Variants in HP1BP3 observed in about 807,000 individuals in gnomAD.
HP1BP3 encodes the protein heterochromatin protein 1 binding protein 3.
Under a neutral mutation model 62.5 loss-of-function variants are expected in HP1BP3, and 12 were observed. The observed-to-expected ratio is 0.19, with a 90% CI of 0.12 to 0.31. HP1BP3 has a LOEUF of 0.31. Ranked by LOEUF, HP1BP3 falls within the 10% of genes least tolerant of loss-of-function variation. The probability of loss-of-function intolerance (pLI) is 1.00; values close to 1 mark genes in which losing one functional copy is unlikely to be tolerated. For synonymous variants in HP1BP3, 260 were observed against 237.8 expected (o/e 1.09, Z -0.86); for missense variants, 502 against 651.8 (o/e 0.77, Z 2.50).
At chr1:20,745,738 A>C in intron 11 of HP1BP3, 82 bp from the exon 12 acceptor site, 1 of 1,410,990 alleles carries the variant, frequency 7.1e-7, no homozygotes, top group Non-Finnish European at 9.8e-7. Context: ...TCTTACCTGG[A>C]CATATCCCAC....
rs377310073 is a variant in HP1BP3, at chr1:20,763,128, T to C, written c.890+2249A>G. ...CTCCCTTTTTTGCCATGTGATACGA[T>C]AGCTCCTCCTTCCACCATGATTGTA... On this transcript the variant is annotated intron_variant, in intron 8 of 12. Coordinates refer to ENST00000438032, the MANE Select transcript of HP1BP3 (RefSeq NM_001372052.1). Among the ~76,000 whole-genome samples the C allele has an allele frequency of 6.6e-5, 10 of 152,292 alleles. No individual in the cohort carries two copies. The East Asian group carries it at 1.4e-3, about 21-fold the overall frequency.
At position 20,751,787 on chromosome 1, in the gene HP1BP3, T is replaced by TA. The variant is rs1369950906; in HGVS notation, c.982-1906_982-1905insT. Among the ~76,000 whole-genome samples the TA allele has an allele frequency of 2.1e-3, 317 of 149,806 alleles. 1 individual carries two copies. Among genetic ancestry groups the TA allele is most frequent in the African/African-American group, 7.1e-3 (289 of 40,904 alleles). Reference sequence around the variant, plus strand: ...TACAAAAGAAAATTACATAGCATACTTTGAAAATGAAAGGTGTGGTAACAA... The same window carrying TA: ...TACAAAAGAAAATTACATAGCATACTATTGAAAATGAAAGGTGTGGTAACAA... On this transcript the variant is annotated intron_variant, in intron 9 of 12. Coordinates refer to ENST00000438032, the MANE Select transcript of HP1BP3 (RefSeq NM_001372052.1).
intron 9 of HP1BP3, among the ~76,000 whole-genome samples, chr1:20,755,692 TC>T (rs1463939404): frequency 6.6e-6 from 1 of 152,194 alleles, no homozygotes; most frequent in Non-Finnish European, 1.5e-5. Flanking sequence ...ACATAAATGT[TC>T]ATAGGCAGTA....
Position 20,770,695 on chromosome 1 carries a change from C to T in HP1BP3, c.654+235G>A, listed in dbSNP as rs559996157. On this transcript the variant is annotated intron_variant, in intron 6 of 12. Coordinates refer to ENST00000438032, the MANE Select transcript of HP1BP3 (RefSeq NM_001372052.1). ...ACATGATTTCAAGCACAAGCAGCCC[C>T]CCAAAAAATATCCAATTAAGAGCAA... Among the ~76,000 whole-genome samples the T allele has an allele frequency of 5.5e-4, 84 of 152,110 alleles. 1 individual carries two copies. The highest frequency in any genetic ancestry group is 1.1e-3 in the Non-Finnish European group (73 of 67,998).
intron 1 of HP1BP3, among the ~76,000 whole-genome samples, chr1:20,781,962 G>A (rs1290343204): frequency 6.6e-6 from 1 of 152,126 alleles, no homozygotes; most frequent in Non-Finnish European, 1.5e-5. Context: ...ATGCAAATCT[G>A]CTGGTATTTT....
Position 20,749,850 on chromosome 1 carries a change from A to G in HP1BP3, c.1014T>C (p.Gly338=). 6.2e-7 allele frequency: 1 copy of G among 1,613,994 alleles called. No homozygotes were observed. The highest frequency in any genetic ancestry group is 8.5e-7 in the Non-Finnish European group (1 of 1,179,932). Residue 338 remains glycine, a synonymous_variant, in exon 10 of 13, where the codon GGT becomes GGC. Coordinates refer to ENST00000438032, the MANE Select transcript of HP1BP3 (RefSeq NM_001372052.1). ...AGATTGCATATTCCATCAGGCTTCC[A>G]CCAAGCAGGGGTTTCTCCCCTGATT... is the stretch of plus-strand genomic sequence containing the variant. ...LKKSGEKPLL[G]GSLMEYAILS...
chr1:20,786,127 T>G (rs2057814131), intron 1 of HP1BP3: 1 of 152,252 alleles, frequency 6.6e-6, no homozygotes, highest in South Asian at 2.1e-4. Context: ...AAAGGTTAAG[T>G]GGCTGTCCCC....
At chr1:20,745,510 T>C (rs764289095) in intron 12 of HP1BP3, 33 bp downstream of exon 12, 4 of 1,608,134 alleles carry the variant, frequency 2.5e-6, no homozygotes, top group Non-Finnish European at 3.4e-6. Context: ...GTATTTAGTG[T>C]CCTCCCCACA....
rs932974020 is a variant in HP1BP3 at position 20,745,133 on chromosome 1, G to C, written c.1368-42C>G. 3 of 1,548,570 alleles carry C rather than the reference G, an allele frequency of 1.9e-6. No individual in the cohort carries two copies. The Admixed American group carries it at 6.4e-5, about 33-fold the overall frequency. ...GCAAAGGCCGTCATTTAGTACTTAAGAGATTCGTTTTGTTGGGACAACCAG... is the reference window on the plus strand; with the variant it reads ...GCAAAGGCCGTCATTTAGTACTTAACAGATTCGTTTTGTTGGGACAACCAG... On this transcript the variant is annotated intron_variant, in intron 12 of 12. Transcript: ENST00000438032.
chr1:20,760,581 G>A (rs549084242), intron 8 of HP1BP3, among the ~76,000 whole-genome samples: 13 of 150,770 alleles, frequency 8.6e-5, no homozygotes, highest in African/African-American at 2.4e-4. Context: ...AGTGGCTCAC[G>A]TCTGTAATCC....
chr1:20,774,123 T>C (rs1460204249), intron 4 of HP1BP3: 1 of 152,288 alleles, frequency 6.6e-6, no homozygotes, highest in African/African-American at 2.4e-5. Context: ...ATCAAAACAA[T>C]TTTGTGAGAT....
intron 9 of HP1BP3, among the ~76,000 whole-genome samples, chr1:20,753,287 A>G (rs1374901948): frequency 1.3e-5 from 2 of 152,204 alleles, no homozygotes; most frequent in Non-Finnish European, 2.9e-5. Flanking sequence ...CTAACCTATC[A>G]TTATTCAGAC....
At chr1:20,749,285 C>CCT (rs1459195842) in intron 10 of HP1BP3, among the ~76,000 whole-genome samples, 2 of 150,944 alleles carry the variant, frequency 1.3e-5, no homozygotes, top group African/African-American at 4.9e-5. Flanking sequence ...AAAGCTGTTC[C>CCT]CTCTTGGTTT....
intron 8 of HP1BP3, among the ~76,000 whole-genome samples, chr1:20,761,716 G>C (rs2056493782): frequency 3.3e-5 from 5 of 152,170 alleles, no homozygotes; most frequent in Admixed American, 3.3e-4. Flanking sequence ...AAGTGAATGT[G>C]GACATAAAAG....
intron 4 of HP1BP3, chr1:20,774,786 C>T (rs1239707409): frequency 6.6e-6 from 1 of 152,086 alleles, no homozygotes; most frequent in Non-Finnish European, 1.5e-5. Flanking sequence ...AGATTGAGAC[C>T]ATCCTGGCCA....
chr1:20,740,308 T>C lies in HP1BP3; in HGVS notation c.*4489A>G, dbSNP rs745766500. Among the ~76,000 whole-genome samples the C allele has an allele frequency of 3.7e-4, 57 of 152,180 alleles. No individual in the cohort carries two copies. Among genetic ancestry groups the C allele is most frequent in the Non-Finnish European group, 6.8e-4 (46 of 68,034 alleles). The stretch of plus-strand genomic sequence containing the variant: ...AAGATTTAATAGTGAACAGTGTTAA[T>C]TATACATTATATACAATATCAGGAA... On this transcript the variant is annotated 3_prime_UTR_variant, in exon 13 of 13. Coordinates refer to ENST00000438032, the MANE Select transcript of HP1BP3 (RefSeq NM_001372052.1).
chr1:20,784,362 C>T (rs796999737), intron 1 of HP1BP3, among the ~76,000 whole-genome samples: 1 of 152,076 alleles, frequency 6.6e-6, no homozygotes, highest in Non-Finnish European at 1.5e-5. Flanking sequence ...ATCTTATCTA[C>T]CTGGTTCATT....
rs1160656873 is a variant in HP1BP3 at position 20,757,269 on chromosome 1, A to C, written c.891-13T>G. ...CAACAGCTGAGGCCTGCAAAGAAAA[A>C]CAAAAAAAAAATAGTGATAAATACA... On this transcript the variant is annotated splice_polypyrimidine_tract_variant and intron_variant, in intron 8 of 12. Coordinates refer to ENST00000438032, the MANE Select transcript of HP1BP3 (RefSeq NM_001372052.1). The C allele has an allele frequency of 6.4e-7, 1 of 1,553,646 alleles. No homozygotes were observed. Among genetic ancestry groups the C allele is most frequent in the Non-Finnish European group, 8.8e-7 (1 of 1,140,718 alleles).
At chr1:20,761,753 G>A (rs745891096) in intron 8 of HP1BP3, among the ~76,000 whole-genome samples, 15 of 152,180 alleles carry the variant, frequency 9.9e-5, no homozygotes, top group Admixed American at 5.2e-4. Context: ...ATAACCCTGA[G>A]GGCTCCTTTC....
Sources: allele counts gnomAD v4.1 joint callset (sites outside exome capture counted in the v4.1 genomes callset), GRCh38; gene constraint gnomAD v4.1.1; transcripts MANE v1.5; gene names NCBI Gene and HGNC (gene_info 2026-07-23, HGNC 2026-07-21).